CDCA7L: variants seen among roughly 807,000 people sequenced by gnomAD.
The protein encoded by CDCA7L is cell division cycle associated 7 like, also known as cell division cycle-associated 7-like protein.
CDCA7L carries 44 observed loss-of-function variants against 57.4 expected under a neutral mutation model. The ratio of observed to expected loss-of-function variants is 0.77; its 90% CI spans 0.60 to 0.98. CDCA7L has a LOEUF of 0.98. Among genes scored for constraint, CDCA7L ranks in the 50% least tolerant of loss-of-function variants. The pLI, the probability that CDCA7L is intolerant of heterozygous loss-of-function variation, is 0.00. For missense variants in CDCA7L, 644 were observed against 580.6 expected (o/e 1.11, Z -1.12); for synonymous variants, 236 against 202.8 (o/e 1.16, Z -1.39).
intron 1 of CDCA7L, among the ~76,000 whole-genome samples, chr7:21,918,230 A>G (rs1785547390): frequency 6.6e-6 from 1 of 152,202 alleles, no homozygotes; most frequent in African/African-American, 2.4e-5. Context: ...AGATATTTCA[A>G]AAGTAGATGG....
At chr7:21,926,351 A>T (rs2128065539) in intron 1 of CDCA7L, among the ~76,000 whole-genome samples, 1 of 152,342 alleles carries the variant, frequency 6.6e-6, no homozygotes, top group Non-Finnish European at 1.5e-5. Flanking sequence ...AAGAAAGTGA[A>T]AAGAAAAATC....
In CDCA7L at chr7:21,904,268, G is replaced by A. The variant is rs373023287; in HGVS notation, c.1048-9C>T. ...TGATGGCACGTGTTACCCTACAGGGGGAAGGCAGTGAGCAGGTGAACACAG... is the reference window on the plus strand; with the variant it reads ...TGATGGCACGTGTTACCCTACAGGGAGAAGGCAGTGAGCAGGTGAACACAG... On this transcript the variant is annotated splice_polypyrimidine_tract_variant and intron_variant, in intron 7 of 9. Transcript: ENST00000406877. 6.0e-5 allele frequency: 95 copies of A among 1,590,440 alleles called. No individual in the cohort carries two copies. The South Asian group carries it at 9.8e-4, about 16-fold the overall frequency.
chr7:21,901,263 TG>T lies in CDCA7L; in HGVS notation c.*1058del. Reference sequence around the variant, plus strand: ...TGCTTCTAGAAGCGTAAGGTAACACTGGCATTCCTCTAGCCTCTGCTGGAGT... The same window carrying T: ...TGCTTCTAGAAGCGTAAGGTAACACTGCATTCCTCTAGCCTCTGCTGGAGT... On this transcript the variant is annotated 3_prime_UTR_variant, in exon 10 of 10. Transcript: ENST00000406877. 6.3e-7 allele frequency: 1 copy of T among 1,596,140 alleles called. No homozygotes were observed. Among genetic ancestry groups the T allele is most frequent in the Non-Finnish European group, 8.5e-7 (1 of 1,171,434 alleles).
intron 2 of CDCA7L, among the ~76,000 whole-genome samples, chr7:21,912,365 T>G (rs190083209): frequency 4.6e-5 from 7 of 152,278 alleles, no homozygotes; most frequent in Non-Finnish European, 8.8e-5. Flanking sequence ...AATTCAGACC[T>G]ACAAGACAGA....
chr7:21,902,438 G>GAGTACA (rs1784944309), intron 9 of CDCA7L, 86 bp from the exon 10 acceptor site: 2 of 1,327,530 alleles, frequency 1.5e-6, no homozygotes, highest in East Asian at 4.6e-5. Flanking sequence ...AATCATCTAA[G>GAGTACA]AGTACAAAGC....
chr7:21,902,470 C>G (rs1032647978), intron 9 of CDCA7L, 118 bp from the exon 10 acceptor site: 10 of 963,830 alleles, frequency 1.0e-5, no homozygotes, highest in Admixed American at 5.5e-5. Flanking sequence ...TCTCCTGACA[C>G]TCGAAATCCT....
At chr7:21,914,289 C>T (rs1785417139) in intron 2 of CDCA7L, among the ~76,000 whole-genome samples, 1 of 152,154 alleles carries the variant, frequency 6.6e-6, no homozygotes, top group South Asian at 2.1e-4. Flanking sequence ...AGGAACAATA[C>T]ATGAGGACGA....
rs1222671436 is a variant in CDCA7L, at chr7:21,906,442, C to T, written c.768G>A (p.Val256=). Residue 256 remains valine (V), a synonymous_variant, in exon 6 of 10, where the codon GTG becomes GTA. Transcript: ENST00000406877. ...TPTSASRKKT[V]RRAFSEGQIT... ...TCTGTCCCTCCGAGAAGGCCCGCCT[C>T]ACTGTCTTCTTCCTCTGAAATCAAG... is the stretch of plus-strand genomic sequence containing the variant. The T allele has an allele frequency of 1.2e-6, 2 of 1,610,316 alleles. No individual in the cohort carries two copies. The highest frequency in any genetic ancestry group is 2.7e-5 in the African/African-American group (2 of 74,766).
chr7:21,900,970 C>G lies in CDCA7L; in HGVS notation c.*1352G>C. 6.5e-7 allele frequency: 1 copy of G among 1,530,602 alleles called. No individual in the cohort carries two copies. Among genetic ancestry groups the G allele is most frequent in the Non-Finnish European group, 8.8e-7 (1 of 1,140,486 alleles). The allele number at this position is 1,530,602 out of a possible 1,614,324, so 94.8% of individuals were successfully genotyped here. A position where few individuals can be genotyped will look rare whatever the true frequency, so the allele number is the denominator to read the frequency against. On this transcript the variant is annotated 3_prime_UTR_variant, in exon 10 of 10. Transcript: ENST00000406877. ...CTTGATCATTATCATTAGTAGCAAG[C>G]TGCCACACAATTGCAACCGCTGTGT...
chr7:21,911,799 A>C (rs1188895664), intron 2 of CDCA7L, 45 bp from the exon 3 acceptor site: 1 of 1,574,484 alleles, frequency 6.4e-7, no homozygotes, highest in African/African-American at 1.4e-5. Flanking sequence ...AGTAGAATAG[A>C]GGTTACCAGG....
intron 1 of CDCA7L, among the ~76,000 whole-genome samples, chr7:21,936,244 C>T (rs565989375): frequency 4.2e-4 from 64 of 152,188 alleles, no homozygotes; most frequent in African/African-American, 1.5e-3. Context: ...GTAATTCTAC[C>T]AAACATTTAA....
At chr7:21,922,881 G>A (rs1785699681) in intron 1 of CDCA7L, among the ~76,000 whole-genome samples, 2 of 152,170 alleles carry the variant, frequency 1.3e-5, no homozygotes, top group Non-Finnish European at 1.5e-5. Flanking sequence ...GATGAACTTT[G>A]AAGACGTTAT....
chr7:21,940,559 A>T (rs902842655), intron 1 of CDCA7L, among the ~76,000 whole-genome samples: 1 of 152,240 alleles, frequency 6.6e-6, no homozygotes, highest in African/African-American at 2.4e-5. Flanking sequence ...AAATGTGATC[A>T]GGGAAGTCAG....
intron 1 of CDCA7L, among the ~76,000 whole-genome samples, chr7:21,939,999 T>C (rs1446731874): frequency 6.8e-6 from 1 of 146,554 alleles, no homozygotes; most frequent in Non-Finnish European, 1.5e-5. Flanking sequence ...TCCGTCTTGT[T>C]CACATTACAT....
intron 1 of CDCA7L, among the ~76,000 whole-genome samples, chr7:21,928,087 G>A (rs1382054454): frequency 1.3e-5 from 2 of 152,196 alleles, no homozygotes; most frequent in South Asian, 2.1e-4. Flanking sequence ...TCTGGTGGTT[G>A]CCCCTCTGGG....
chr7:21,905,557 G>T lies in CDCA7L; in HGVS notation c.996C>A (p.Asp332Glu). Residue 332 changes from aspartate (D) to glutamate (E), a missense_variant, in exon 7 of 10, where the codon GAC becomes GAA. By Grantham distance (45) the Asp-to-Glu change is conservative. Coordinates refer to ENST00000406877, the MANE Select transcript of CDCA7L (RefSeq NM_018719.5). ...GAACAGTTATGGCAACATTTTCTAA[G>T]TCCTCTTCGGTGATATCCTCCACTG... is the stretch of plus-strand genomic sequence containing the variant. Reference protein sequence around the residue: ...FRPVEDITEEDLENVAITVRD... With the variant: ...FRPVEDITEEELENVAITVRD... 1 of 1,613,944 alleles carries T rather than the reference G, an allele frequency of 6.2e-7. No individual in the cohort carries two copies. The highest frequency in any genetic ancestry group is 8.5e-7 in the Non-Finnish European group (1 of 1,179,924).
Position 21,940,247 on chromosome 7 carries a change from C to T in CDCA7L, c.24+5534G>A, listed in dbSNP as rs1026545850. ...CTGTTTCAGGGCCAGGAAAGTGCAA[C>T]CCTACACCACTTACCTGGAAGGAAA... is the stretch of plus-strand genomic sequence containing the variant. On this transcript the variant is annotated intron_variant, in intron 1 of 9. Coordinates refer to ENST00000406877, the MANE Select transcript of CDCA7L (RefSeq NM_018719.5). The T allele has an allele frequency of 1.2e-5, 11 of 899,372 alleles. No homozygotes were observed. In the Admixed American group the frequency reaches 4.3e-4, roughly 35 times the overall value. 55.7% of individuals were successfully genotyped at this position (899,372 alleles called of 1,614,324 possible). A position where few individuals can be genotyped will look rare whatever the true frequency, so the allele number is the denominator to read the frequency against.
intron 3 of CDCA7L, among the ~76,000 whole-genome samples, chr7:21,910,739 T>C (rs950721097): frequency 6.6e-6 from 1 of 152,112 alleles, no homozygotes; most frequent in Non-Finnish European, 1.5e-5. Context: ...AACAAACAAA[T>C]AACTAACAAG....
intron 9 of CDCA7L, 170 bp downstream of exon 9, chr7:21,902,808 A>AATATCAGGCCTGAGCTTT (rs781087368): frequency 1.8e-5 from 11 of 622,924 alleles, no homozygotes; most frequent in Admixed American, 3.3e-5. Context: ...TAATAGGGAA[A>AATATCAGGCCTGAGCTTT]ATATCAGGCC....
Sources: allele counts gnomAD v4.1 joint callset (sites outside exome capture counted in the v4.1 genomes callset), GRCh38; gene constraint gnomAD v4.1.1; transcripts MANE v1.5; gene names NCBI Gene and HGNC (gene_info 2026-07-23, HGNC 2026-07-21).